The following PDE1A variants were observed in gnomAD, a reference collection of about 807,000 sequenced individuals.
The protein encoded by PDE1A is phosphodiesterase 1A, also known as dual specificity calcium/calmodulin-dependent 3',5'-cyclic nucleotide phosphodiesterase 1A.
Under a neutral mutation model 61.7 loss-of-function variants are expected in PDE1A, and 35 were observed. The ratio of observed to expected loss-of-function variants is 0.57; its 90% CI spans 0.43 to 0.75. The LOEUF (loss-of-function observed/expected upper bound fraction) is 0.75, where lower values mean the gene tolerates loss of function less well. PDE1A is among the 30% of genes least tolerant of loss of function. The pLI, the probability that PDE1A is intolerant of heterozygous loss-of-function variation, is 0.00. For synonymous variants in PDE1A, 232 were observed against 213.2 expected (o/e 1.09, Z -0.77); for missense variants, 597 against 630.6 (o/e 0.95, Z 0.57).
downstream of PDE1A, among the ~76,000 whole-genome samples, chr2:182,163,305 T>C (rs1486842377): frequency 6.6e-6 from 1 of 152,274 alleles, no homozygotes; most frequent in South Asian, 2.1e-4. Context: ...CAGAAGCAAT[T>C]TGATTCACTG....
chr2:182,482,828 C>A (rs183319983), intron 2 of PDE1A, among the ~76,000 whole-genome samples: 159 of 152,016 alleles, frequency 1.0e-3, no homozygotes, highest in Non-Finnish European at 1.9e-3. Flanking sequence ...AGAAAGCAAA[C>A]AGCAACATGA....
the PDE1A span, among the ~76,000 whole-genome samples, chr2:182,535,790 G>C: frequency 8.5e-5 from 13 of 152,230 alleles, no homozygotes; most frequent in Admixed American, 3.9e-4. Flanking sequence ...CTATTATTAA[G>C]AGGGCAACGT....
At chr2:182,563,876 C>A in the PDE1A span, among the ~76,000 whole-genome samples, 4 of 152,126 alleles carry the variant, frequency 2.6e-5, no homozygotes, top group Admixed American at 6.6e-5. Context: ...AGGATTGCAA[C>A]CCCTGCCTTT....
the PDE1A span, among the ~76,000 whole-genome samples, chr2:182,685,114 TAC>T: frequency 3.1e-4 from 47 of 149,572 alleles, no homozygotes; most frequent in Middle Eastern, 3.5e-3. Flanking sequence ...CATATATATA[TAC>T]ACACACACAC....
intron 1 of PDE1A, among the ~76,000 whole-genome samples, chr2:182,400,285 C>A (rs1165959150): frequency 6.6e-6 from 1 of 152,160 alleles, no homozygotes; most frequent in East Asian, 1.9e-4. Flanking sequence ...TTTATCTTTT[C>A]CCAATTGTTG....
chr2:182,286,972 G>A (rs1317736136), intron 1 of PDE1A, among the ~76,000 whole-genome samples: 1 of 152,002 alleles, frequency 6.6e-6, no homozygotes. Context: ...TCACTCTTAT[G>A]TTTAAAATTT....
the PDE1A span, among the ~76,000 whole-genome samples, chr2:182,559,535 G>A: frequency 6.6e-6 from 1 of 152,112 alleles, no homozygotes; most frequent in African/African-American, 2.4e-5. Flanking sequence ...TTGTATAAAC[G>A]TAAATGGATA....
chr2:182,262,646 G>A (rs60701525), intron 2 of PDE1A, among the ~76,000 whole-genome samples: 5 of 152,022 alleles, frequency 3.3e-5, no homozygotes, highest in African/African-American at 7.2e-5. Context: ...AGAAAGAATC[G>A]CTTGTGCAAC....
chr2:182,368,999 G>A (rs1185116941), intron 1 of PDE1A, among the ~76,000 whole-genome samples: 1 of 151,360 alleles, frequency 6.6e-6, no homozygotes, highest in Admixed American at 6.6e-5. Context: ...CCTAGTTGTA[G>A]GGAGTTAGAC....
At chr2:182,660,575 A>C in the PDE1A span, among the ~76,000 whole-genome samples, 15 of 152,244 alleles carry the variant, frequency 9.9e-5, no homozygotes, top group African/African-American at 3.6e-4. Flanking sequence ...TGACCTAATC[A>C]GGTGATCCCT....
At chr2:182,506,183 G>A (rs1689400688) in intron 2 of PDE1A, among the ~76,000 whole-genome samples, 4 of 151,778 alleles carry the variant, frequency 2.6e-5, no homozygotes, top group Non-Finnish European at 4.4e-5. Context: ...TCTTTCCTTC[G>A]TCATTCATCT....
chr2:182,592,281 T>G, the PDE1A span, among the ~76,000 whole-genome samples: 1 of 152,218 alleles, frequency 6.6e-6, no homozygotes, highest in Non-Finnish European at 1.5e-5. Flanking sequence ...TGTAGCATGC[T>G]CTACAGTTTC....
At chr2:182,466,755 A>G (rs1488696845) in intron 2 of PDE1A, among the ~76,000 whole-genome samples, 2 of 152,176 alleles carry the variant, frequency 1.3e-5, no homozygotes, top group Middle Eastern at 3.4e-3. Flanking sequence ...ATCCAAAAAG[A>G]GCACACAAAT....
At chr2:182,666,456 A>G in the PDE1A span, among the ~76,000 whole-genome samples, 1 of 151,762 alleles carries the variant, frequency 6.6e-6, no homozygotes, top group South Asian at 2.1e-4. Context: ...CATCAATACA[A>G]AATTAGCCGG....
the PDE1A span, among the ~76,000 whole-genome samples, chr2:182,538,478 G>C: frequency 6.6e-6 from 1 of 152,034 alleles, no homozygotes; most frequent in African/African-American, 2.4e-5. Flanking sequence ...TTAATTTAGA[G>C]AATTTTATTG....
intron 1 of PDE1A, among the ~76,000 whole-genome samples, chr2:182,417,271 C>T (rs1448791586): frequency 6.6e-6 from 1 of 152,170 alleles, no homozygotes; most frequent in East Asian, 1.9e-4. Flanking sequence ...TCCTATTCAC[C>T]CTTCAGTGTT....
upstream of PDE1A, among the ~76,000 whole-genome samples, chr2:182,525,768 C>A (rs1020781173): frequency 1.3e-5 from 2 of 152,112 alleles, no homozygotes; most frequent in Non-Finnish European, 2.9e-5. Context: ...CACCATGTAA[C>A]AAATGGTAAA....
At chr2:182,295,825 C>G (rs922988963) in intron 1 of PDE1A, among the ~76,000 whole-genome samples, 4 of 151,786 alleles carry the variant, frequency 2.6e-5, no homozygotes, top group African/African-American at 9.7e-5. Flanking sequence ...ATGAAGAAAC[C>G]TGGATGTTGT....
chr2:182,234,476 TATG>T (rs1201883627), exon 4 of PDE1A: 4 of 1,604,266 alleles, frequency 2.5e-6, no homozygotes, highest in Non-Finnish European at 3.4e-6. Context: ...AAACCAACCA[TATG>T]ATATGTTTTT....
Sources: allele counts gnomAD v4.1 joint callset (sites outside exome capture counted in the v4.1 genomes callset), GRCh38; gene constraint gnomAD v4.1.1; transcripts MANE v1.5; gene names NCBI Gene and HGNC (gene_info 2026-07-23, HGNC 2026-07-21).